Variants in SLC25A28 observed in about 807,000 individuals in gnomAD.
SLC25A28 encodes the protein solute carrier family 25 member 28, also known as mitoferrin-2.
In SLC25A28, 10 loss-of-function variants were observed where a neutral mutation model predicts 31.9. The observed-to-expected ratio is 0.31, with a 90% CI of 0.19 to 0.53. SLC25A28 has a LOEUF of 0.53. Ranked by LOEUF, SLC25A28 falls within the 20% of genes least tolerant of loss-of-function variation. SLC25A28 has a pLI of 0.95. For missense variants in SLC25A28, 256 were observed against 490.3 expected (o/e 0.52, Z 4.51); for synonymous variants, 208 against 203.6 (o/e 1.02, Z -0.19).
chr10:99,644,521 G>T, the SLC25A28 span, among the ~76,000 whole-genome samples: 1 of 152,142 alleles, frequency 6.6e-6, no homozygotes, highest in Non-Finnish European at 1.5e-5. Context: ...TTGCCAGCCT[G>T]TGTCTTTTAA....
At chr10:99,628,591 A>G in the SLC25A28 span, among the ~76,000 whole-genome samples, 2 of 152,174 alleles carry the variant, frequency 1.3e-5, no homozygotes, top group Admixed American at 6.5e-5. Flanking sequence ...TTGGGAGGCT[A>G]AGGTGGGTGG....
chr10:99,613,827 G>A lies in SLC25A28; in HGVS notation c.389C>T (p.Pro130Leu). The A allele has an allele frequency of 1.2e-6, 2 of 1,614,188 alleles. No homozygotes were observed. The highest frequency in any genetic ancestry group is 1.7e-6 in the Non-Finnish European group (2 of 1,180,040). ...RIIRTEGLWR[P>L]MRGLNVTATG... is the part of the protein sequence containing the mutation. ...TGCTGTGACGTTCAGCCCCCTCATGGGCCTCCATAGGCCCTCCGTTCTTAT... is the reference window on the plus strand; with the variant it reads ...TGCTGTGACGTTCAGCCCCCTCATGAGCCTCCATAGGCCCTCCGTTCTTAT... The change falls in exon 2 of 4, where the codon CCC (proline) becomes CTC (leucine). Residue 130 changes from proline (P) to leucine (L), a missense_variant. Physicochemically the swap from Pro to Leu is moderately conservative, Grantham distance 98. Around this residue, in one of 4 missense-constraint regions of SLC25A28, gnomAD observed 158 missense variants for 379.1 expected, o/e 0.42. Coordinates refer to ENST00000370495, the MANE Select transcript of SLC25A28 (RefSeq NM_031212.4). This position sits in a 1 kb window ranked among gnomAD's most constrained non-coding sequence, Gnocchi z 4.9.
At chr10:99,620,931 G>C, upstream of SLC25A28, 1 of 977,912 alleles carries the variant, frequency 1.0e-6, no homozygotes, top group Non-Finnish European at 1.2e-6. Flanking sequence ...AACTGCTGAC[G>C]GGCGCCGTTA....
the SLC25A28 span, among the ~76,000 whole-genome samples, chr10:99,653,119 T>G: frequency 6.6e-6 from 1 of 152,240 alleles, no homozygotes; most frequent in Non-Finnish European, 1.5e-5. Context: ...TGGAGCCGAA[T>G]TCCCCTCCCC....
rs1237450186 is a variant in SLC25A28 at position 99,620,180 on chromosome 10, C to T, written c.156G>A (p.Pro52=). The T allele has an allele frequency of 2.0e-6, 3 of 1,518,094 alleles. No homozygotes were observed. The highest frequency in any genetic ancestry group is 2.0e-5 in the Admixed American group (1 of 50,800). The allele number at this position is 1,518,094 out of a possible 1,614,324, so 94.0% of individuals were successfully genotyped here. The change falls in exon 1 of 4, where the codon CCG becomes CCA. Residue 52 remains proline, a synonymous_variant. Transcript: ENST00000370495. ...GGCCGGAGTCCGGATCTTGTCGTACCGGGGGCCTGCAGGCCCCGGCCTCCC... is the reference window on the plus strand; with the variant it reads ...GGCCGGAGTCCGGATCTTGTCGTACTGGGGGCCTGCAGGCCCCGGCCTCCC... The part of the protein sequence containing the change: ...GGGEAGACRP[P]VRQDPDSGPD...
At chr10:99,620,823 A>G (rs1212962513), upstream of SLC25A28, 1 of 985,334 alleles carries the variant, frequency 1.0e-6, no homozygotes, top group Admixed American at 6.1e-5. Flanking sequence ...CAGGGACTCT[A>G]GGGGCCGACT....
At chr10:99,620,770 C>T (rs759986929), upstream of SLC25A28, 8 of 985,358 alleles carry the variant, frequency 8.1e-6, no homozygotes, top group Non-Finnish European at 9.6e-6. Flanking sequence ...CATTGGCCCG[C>T]ACCACGTCGG....
At position 99,610,803 on chromosome 10, in the gene SLC25A28, G is replaced by C; in HGVS notation, c.*46C>G. On this transcript the variant is annotated 3_prime_UTR_variant, in exon 4 of 4. Transcript: ENST00000370495. ...TTCCAGGAGACAGAGAATGTGACCA[G>C]GATGCAGCAGTGTCATCTGAACCCC... is the stretch of plus-strand genomic sequence containing the variant. 1 of 1,581,206 alleles carries C rather than the reference G, an allele frequency of 6.3e-7. No individual in the cohort carries two copies. Among genetic ancestry groups the C allele is most frequent in the Non-Finnish European group, 8.6e-7 (1 of 1,160,944 alleles).
chr10:99,624,779 G>A (rs1398874579), upstream of SLC25A28, among the ~76,000 whole-genome samples: 3 of 152,134 alleles, frequency 2.0e-5, no homozygotes, highest in Non-Finnish European at 2.9e-5. Flanking sequence ...AGGTTGCAGT[G>A]AGCCAAGATT....
upstream of SLC25A28, chr10:99,620,737 A>G (rs1334770417): frequency 2.0e-6 from 2 of 985,232 alleles, no homozygotes; most frequent in Non-Finnish European, 2.4e-6. Context: ...AGGCTCAACC[A>G]CTCTTGATAC....
rs1007532808 is a variant in SLC25A28, at chr10:99,611,616, C to T, written c.578-250G>A. 3.3e-5 allele frequency among the ~76,000 whole-genome samples: 5 copies of T among 152,086 alleles called. No individual in the cohort carries two copies. Among genetic ancestry groups the T allele is most frequent in the South Asian group, 2.1e-4 (1 of 4,832 alleles). ...AGGACTTCTGTAAAGCCAGCCAGTT[C>T]GCACACAGGACATATCTACAGTTTG... is the stretch of plus-strand genomic sequence containing the variant. On this transcript the variant is annotated intron_variant, in intron 3 of 3. Transcript: ENST00000370495. This position sits in a 1 kb window ranked among gnomAD's most constrained non-coding sequence, Gnocchi z 5.5.
Position 99,611,487 on chromosome 10 carries a change from G to A in SLC25A28, c.578-121C>T. On this transcript the variant is annotated intron_variant, in intron 3 of 3. Transcript: ENST00000370495. The surrounding 1 kb of genome is among the most constrained non-coding windows in gnomAD (Gnocchi z 5.5). ...ATGGAATAGAGAGAGAAAAAAGTAT[G>A]AGTGAGCTGCTGGCTAACCTGAGAA... 7.9e-7 allele frequency: 1 copy of A among 1,260,934 alleles called. No homozygotes were observed. The highest frequency in any genetic ancestry group is 1.4e-5 in the South Asian group (1 of 69,286). The allele number at this position is 1,260,934 out of a possible 1,614,324, so 78.1% of individuals were successfully genotyped here. A position where few individuals can be genotyped will look rare whatever the true frequency, so the allele number is the denominator to read the frequency against.
upstream of SLC25A28, among the ~76,000 whole-genome samples, chr10:99,623,307 C>A (rs990884925): frequency 6.6e-6 from 1 of 152,122 alleles, no homozygotes; most frequent in Non-Finnish European, 1.5e-5. Context: ...GGTGAATATC[C>A]ACCTTGATTT....
At chr10:99,626,704 CAAA>C in the SLC25A28 span, among the ~76,000 whole-genome samples, 1 of 151,970 alleles carries the variant, frequency 6.6e-6, no homozygotes, top group East Asian at 1.9e-4. Flanking sequence ...CTGTTAAGGG[CAAA>C]ACATGGCTTT....
At chr10:99,641,190 A>G in the SLC25A28 span, among the ~76,000 whole-genome samples, 1 of 152,186 alleles carries the variant, frequency 6.6e-6, no homozygotes, top group Non-Finnish European at 1.5e-5. Flanking sequence ...CAACAGTGTA[A>G]AAGTGTTCCT....
At chr10:99,642,527 ACTTC>A in the SLC25A28 span, among the ~76,000 whole-genome samples, 2 of 152,086 alleles carry the variant, frequency 1.3e-5, no homozygotes, top group Non-Finnish European at 2.9e-5. Context: ...GGACAATTTG[ACTTC>A]CTCTTTTCCT....
chr10:99,634,741 C>G, the SLC25A28 span, among the ~76,000 whole-genome samples: 1 of 152,178 alleles, frequency 6.6e-6, no homozygotes, highest in Non-Finnish European at 1.5e-5. Flanking sequence ...TTGATGAAAA[C>G]TTTCCTGGCT....
At chr10:99,619,466 C>T (rs1199249076) in intron 1 of SLC25A28, 1 of 954,336 alleles carries the variant, frequency 1.0e-6, no homozygotes, top group Non-Finnish European at 1.2e-6. Flanking sequence ...TGAATACGAT[C>T]TTTCCCACAT....
chr10:99,655,171 C>T, the SLC25A28 span, among the ~76,000 whole-genome samples: 5 of 151,972 alleles, frequency 3.3e-5, no homozygotes, highest in Admixed American at 2.0e-4. Context: ...TAGATCTTAT[C>T]GGAGTATGGC....
Sources: gnomAD v4.1 joint callset for allele counts (sites outside exome capture counted in the v4.1 genomes callset) on GRCh38, gnomAD v4.1.1 for gene constraint, gnomAD v4.1.1 regional missense constraint, Gnocchi (gnomAD v3.1) non-coding constraint, MANE v1.5 for transcripts, NCBI Gene and HGNC (gene_info 2026-07-23, HGNC 2026-07-21) for gene names.